The following RAPGEF4 variants were observed in gnomAD, a reference collection of about 807,000 sequenced individuals.
RAPGEF4 encodes the protein RAP guanine-nucleotide-exchange factor (GEF) 4.
A neutral mutation model predicts 147.9 loss-of-function variants in RAPGEF4; 66 were observed. That is an observed-to-expected ratio of 0.45 (90% CI 0.37 to 0.55). The LOEUF (loss-of-function observed/expected upper bound fraction) is 0.55, where lower values mean the gene tolerates loss of function less well. Ranked by LOEUF, RAPGEF4 falls within the 20% of genes least tolerant of loss-of-function variation. The pLI is 0.00. For synonymous variants in RAPGEF4, 419 were observed against 442.7 expected (o/e 0.95, Z 0.67); for missense variants, 1,071 against 1,257.3 (o/e 0.85, Z 2.24).
Position 172,917,880 on chromosome 2 carries a change from T to A in RAPGEF4, c.517+6T>A. On this transcript the variant is annotated splice_donor_region_variant and intron_variant, in intron 5 of 30. Coordinates refer to ENST00000397081, the MANE Select transcript of RAPGEF4 (RefSeq NM_007023.4). Reference sequence around the variant, plus strand: ...AACGGGCTCTAACAATGACAGTAAGTGGAAAATGTGAACATTTTGTATCTA... The same window carrying A: ...AACGGGCTCTAACAATGACAGTAAGAGGAAAATGTGAACATTTTGTATCTA... The A allele has an allele frequency of 6.2e-7, 1 of 1,610,708 alleles. No homozygotes were observed. Among genetic ancestry groups the A allele is most frequent in the East Asian group, 2.2e-5 (1 of 44,878 alleles).
intron 2 of RAPGEF4, 149 bp downstream of exon 2, chr2:172,795,316 T>C (rs1028674252): frequency 4.9e-6 from 4 of 822,006 alleles, no homozygotes; most frequent in Non-Finnish European, 7.5e-6. Flanking sequence ...CCCTCTAGTC[T>C]GTTTATTCAG....
At chr2:172,765,752 A>T (rs1415544684) in intron 1 of RAPGEF4, among the ~76,000 whole-genome samples, 1 of 152,212 alleles carries the variant, frequency 6.6e-6, no homozygotes, top group East Asian at 1.9e-4. Context: ...GGAGATACTC[A>T]TCTCTACCGC....
chr2:172,860,716 G>A (rs1693947283), intron 4 of RAPGEF4, among the ~76,000 whole-genome samples: 1 of 151,814 alleles, frequency 6.6e-6, no homozygotes, highest in African/African-American at 2.4e-5. Flanking sequence ...CTTTTGTTTT[G>A]AAAAACTATG....
At chr2:172,810,967 C>G (rs1217124784) in intron 3 of RAPGEF4, among the ~76,000 whole-genome samples, 1 of 152,156 alleles carries the variant, frequency 6.6e-6, no homozygotes, top group Non-Finnish European at 1.5e-5. Flanking sequence ...AATATGATAA[C>G]AGAATGGGAA....
At chr2:172,844,541 GA>G (rs1478812392) in intron 4 of RAPGEF4, among the ~76,000 whole-genome samples, 1 of 152,092 alleles carries the variant, frequency 6.6e-6, no homozygotes, top group Non-Finnish European at 1.5e-5. Context: ...TCTCAAGCAT[GA>G]GATTCAATTA....
At chr2:172,983,361 A>G (rs1575440027) in intron 10 of RAPGEF4, 135 bp from the exon 11 acceptor site, 5 of 1,461,890 alleles carry the variant, frequency 3.4e-6, no homozygotes, top group African/African-American at 1.4e-5. Context: ...TACTGGTGCA[A>G]CCTCTCCCTC....
chr2:172,992,206 T>G (rs955274574), intron 15 of RAPGEF4, among the ~76,000 whole-genome samples: 2 of 152,254 alleles, frequency 1.3e-5, no homozygotes, highest in Non-Finnish European at 2.9e-5. Context: ...GTAAAAAAAC[T>G]ACCTGTCACT....
chr2:172,987,483 C>T (rs958953221), intron 12 of RAPGEF4, among the ~76,000 whole-genome samples: 5 of 152,034 alleles, frequency 3.3e-5, no homozygotes, highest in Admixed American at 6.5e-5. Flanking sequence ...TCCACGTTTA[C>T]GAATTCAACC....
chr2:173,032,450 C>A (rs1007709819), intron 26 of RAPGEF4, among the ~76,000 whole-genome samples: 7 of 151,710 alleles, frequency 4.6e-5, no homozygotes, highest in African/African-American at 1.7e-4. Flanking sequence ...TGTCTTTGAC[C>A]TAAAAGAAAG....
intron 4 of RAPGEF4, chr2:172,894,039 G>A (rs1478335332): frequency 2.6e-5 from 4 of 152,268 alleles, no homozygotes; most frequent in East Asian, 1.9e-4. Context: ...AGACTTCTTC[G>A]TTCTTGAATT....
At chr2:172,963,273 G>T (rs1180775914) in intron 8 of RAPGEF4, among the ~76,000 whole-genome samples, 1 of 152,052 alleles carries the variant, frequency 6.6e-6, no homozygotes, top group Non-Finnish European at 1.5e-5. Flanking sequence ...ACCATATCAG[G>T]CCCCCTACAT....
Position 172,852,376 on chromosome 2 carries a change from G to A in RAPGEF4, c.444+37951G>A, listed in dbSNP as rs544435853. ...AATTGTCAATAAGTTGATCCGAAAC[G>A]TAACCCTTCTCAGATTTTATATTTA... is the stretch of plus-strand genomic sequence containing the variant. On this transcript the variant is annotated intron_variant, in intron 4 of 30. Transcript: ENST00000397081. 2.3e-4 allele frequency among the ~76,000 whole-genome samples: 35 copies of A among 152,206 alleles called. 1 individual carries two copies. Among genetic ancestry groups the A allele is most frequent in the African/African-American group, 6.5e-4 (27 of 41,538 alleles).
intron 4 of RAPGEF4, among the ~76,000 whole-genome samples, chr2:172,830,516 G>A (rs17705626): frequency 0.015 from 2,273 of 152,266 alleles, 19 homozygotes; most frequent in South Asian, 0.033. Context: ...AAAAATGCCT[G>A]TAAAGCTAAC....
chr2:173,044,459 G>A (rs1426155931), intron 29 of RAPGEF4, among the ~76,000 whole-genome samples: 7 of 152,096 alleles, frequency 4.6e-5, no homozygotes, highest in Non-Finnish European at 7.4e-5. Context: ...GTGCCCCTCT[G>A]TTTTCAGCTC....
intron 23 of RAPGEF4, among the ~76,000 whole-genome samples, chr2:173,021,977 C>T (rs991312774): frequency 3.3e-5 from 5 of 152,108 alleles, no homozygotes; most frequent in African/African-American, 1.2e-4. Flanking sequence ...CCCGCCTTTC[C>T]GTATATTTTT....
intron 4 of RAPGEF4, among the ~76,000 whole-genome samples, chr2:172,891,014 C>T (rs958970715): frequency 6.6e-6 from 1 of 152,144 alleles, no homozygotes; most frequent in Non-Finnish European, 1.5e-5. Context: ...ACCTGTAGTC[C>T]CAGCTACGTG....
intron 10 of RAPGEF4, among the ~76,000 whole-genome samples, chr2:172,968,461 G>A (rs1690100892): frequency 6.6e-6 from 1 of 152,152 alleles, no homozygotes; most frequent in South Asian, 2.1e-4. Flanking sequence ...TAGCCTCTCT[G>A]AAGGCACTTT....
chr2:172,876,858 G>A (rs1272651337), intron 4 of RAPGEF4, among the ~76,000 whole-genome samples: 1 of 152,190 alleles, frequency 6.6e-6, no homozygotes, highest in Admixed American at 6.5e-5. Flanking sequence ...GAATTTGGCT[G>A]TGAATCAGTC....
chr2:173,051,823 G>A lies in RAPGEF4; in HGVS notation c.*56G>A. 1 of 1,591,504 alleles carries A rather than the reference G, an allele frequency of 6.3e-7. No individual in the cohort carries two copies. The highest frequency in any genetic ancestry group is 8.6e-7 in the Non-Finnish European group (1 of 1,163,036). ...CTCCAGTCCACAATCTTTCAAAAAT[G>A]CCATTTATGCTACTACTGACTGTAT... On this transcript the variant is annotated 3_prime_UTR_variant, in exon 31 of 31. Transcript: ENST00000397081.
Sources: gnomAD v4.1 joint callset for allele counts (sites outside exome capture counted in the v4.1 genomes callset) on GRCh38, gnomAD v4.1.1 for gene constraint, MANE v1.5 for transcripts, NCBI Gene and HGNC (gene_info 2026-07-23, HGNC 2026-07-21) for gene names.